CCNY: variants seen among roughly 807,000 people sequenced by gnomAD.
The protein encoded by CCNY is cyclin Y.
A neutral mutation model predicts 42.8 loss-of-function variants in CCNY; 19 were observed. That is an observed-to-expected ratio of 0.44 (90% CI 0.31 to 0.65). CCNY has a LOEUF of 0.65. CCNY is among the 30% of genes least tolerant of loss of function. CCNY has a pLI of 0.07. For missense variants in CCNY, 370 were observed against 437.3 expected (o/e 0.85, Z 1.37); for synonymous variants, 165 against 162.7 (o/e 1.01, Z -0.11).
intron 1 of CCNY, among the ~76,000 whole-genome samples, chr10:35,464,798 A>G (rs1030517855): frequency 2.0e-5 from 3 of 152,190 alleles, no homozygotes; most frequent in African/African-American, 7.2e-5. Context: ...TTGATTCTCC[A>G]TAAATATTTG....
At chr10:35,301,275 G>A (rs1835530397) in intron 3 of CCNY, among the ~76,000 whole-genome samples, 2 of 152,280 alleles carry the variant, frequency 1.3e-5, no homozygotes, top group South Asian at 4.1e-4. Context: ...CAAATATATG[G>A]CCAATGTGTG....
intron 1 of CCNY, among the ~76,000 whole-genome samples, chr10:35,342,247 T>G (rs1259132976): frequency 6.6e-6 from 1 of 152,170 alleles, no homozygotes; most frequent in Non-Finnish European, 1.5e-5. Flanking sequence ...GTCTCTACAA[T>G]CTATTTAACA....
chr10:35,515,733 A>G (rs1413478120), intron 3 of CCNY, among the ~76,000 whole-genome samples: 1 of 152,188 alleles, frequency 6.6e-6, no homozygotes, highest in Admixed American at 6.5e-5. Context: ...TACTAATCAT[A>G]TTGCCCGATT....
chr10:35,313,764 G>T (rs2135088462), intron 3 of CCNY, among the ~76,000 whole-genome samples: 1 of 152,204 alleles, frequency 6.6e-6, no homozygotes, highest in Admixed American at 6.5e-5. Context: ...CTTGAGTCCA[G>T]GAGTTTGAGA....
At chr10:35,362,308 A>T (rs1016517385) in intron 1 of CCNY, among the ~76,000 whole-genome samples, 4 of 152,194 alleles carry the variant, frequency 2.6e-5, no homozygotes, top group Non-Finnish European at 4.4e-5. Context: ...GGAACAGGTG[A>T]CTTTTGGCCT....
chr10:35,448,618 G>A (rs1280400825), intron 1 of CCNY, among the ~76,000 whole-genome samples: 1 of 152,090 alleles, frequency 6.6e-6, no homozygotes, highest in Non-Finnish European at 1.5e-5. Context: ...ATACCTGAAG[G>A]ATATGAGAGC....
chr10:35,349,232 G>A (rs1419791353), intron 1 of CCNY, among the ~76,000 whole-genome samples: 1 of 152,144 alleles, frequency 6.6e-6, no homozygotes, highest in Non-Finnish European at 1.5e-5. Flanking sequence ...AGCTCAGCAG[G>A]TGAGTTAGAG....
intron 1 of CCNY, among the ~76,000 whole-genome samples, chr10:35,366,614 A>T (rs1441526511): frequency 1.3e-5 from 2 of 152,232 alleles, no homozygotes; most frequent in African/African-American, 4.8e-5. Flanking sequence ...CTGAGTGTGG[A>T]CATTCAGCTG....
chr10:35,293,522 T>C (rs971522610), intron 3 of CCNY, among the ~76,000 whole-genome samples: 1 of 152,214 alleles, frequency 6.6e-6, no homozygotes, highest in East Asian at 1.9e-4. Context: ...ATTTTGGTAA[T>C]GAATGCACTG....
At chr10:35,475,866 C>G in intron 1 of CCNY, among the ~76,000 whole-genome samples, 1 of 150,830 alleles carries the variant, frequency 6.6e-6, no homozygotes, top group Admixed American at 6.6e-5. Flanking sequence ...GAGTCAAGAC[C>G]CATCAGTGTG....
intron 3 of CCNY, among the ~76,000 whole-genome samples, chr10:35,275,501 C>A (rs1314580213): frequency 6.6e-6 from 1 of 151,584 alleles, no homozygotes; most frequent in African/African-American, 2.4e-5. Flanking sequence ...CGGTGGCTCA[C>A]ACCTGTAATC....
intron 8 of CCNY, among the ~76,000 whole-genome samples, chr10:35,554,747 A>G (rs1402002756): frequency 6.6e-6 from 1 of 152,234 alleles, no homozygotes; most frequent in African/African-American, 2.4e-5. Context: ...AAGCCAGAAT[A>G]CCTAATGAAA....
intron 7 of CCNY, among the ~76,000 whole-genome samples, chr10:35,547,728 C>T (rs569901030): frequency 2.9e-4 from 44 of 152,186 alleles, no homozygotes; most frequent in Non-Finnish European, 5.6e-4. Flanking sequence ...CTTGTCGTCC[C>T]TGCAGGACCC....
At position 35,377,818 on chromosome 10, in the gene CCNY, AGAG is replaced by A. The variant is rs374280062; in HGVS notation, c.154+40612_154+40614del. ...CTTCAAAACAAAAAATTAAGTAAGA[AGAG>A]TAGCATTACCTTACATTTCTATTAT... On this transcript the variant is annotated intron_variant, in intron 1 of 9. Coordinates refer to ENST00000374704, the MANE Select transcript of CCNY (RefSeq NM_145012.6). Among the ~76,000 whole-genome samples the A allele has an allele frequency of 5.1e-3, 780 of 152,274 alleles. 12 individuals carry two copies. The highest frequency in any genetic ancestry group is 0.018 in the African/African-American group (745 of 41,498).
At chr10:35,519,593 A>G (rs1039205376) in intron 4 of CCNY, among the ~76,000 whole-genome samples, 3 of 151,764 alleles carry the variant, frequency 2.0e-5, no homozygotes, top group Admixed American at 6.6e-5. Context: ...GCCACTTTTA[A>G]ATGAACTGCG....
At chr10:35,402,559 G>A (rs572271855) in intron 1 of CCNY, among the ~76,000 whole-genome samples, 17 of 152,264 alleles carry the variant, frequency 1.1e-4, no homozygotes, top group East Asian at 9.6e-4. Flanking sequence ...TGAGGTCTCC[G>A]TGATTTTGGA....
chr10:35,450,165 G>T (rs1038148835), intron 1 of CCNY, among the ~76,000 whole-genome samples: 1 of 152,070 alleles, frequency 6.6e-6, no homozygotes, highest in Non-Finnish European at 1.5e-5. Flanking sequence ...CAGAGAGGTG[G>T]TGGAATCGGG....
At chr10:35,320,797 C>G (rs1449697095) in intron 3 of CCNY, 1 of 152,110 alleles carries the variant, frequency 6.6e-6, no homozygotes, top group Non-Finnish European at 1.5e-5. Flanking sequence ...TTTCTGCATA[C>G]TAGCAATAAC....
At chr10:35,371,770 TG>T (rs1380496272) in intron 1 of CCNY, among the ~76,000 whole-genome samples, 1 of 151,908 alleles carries the variant, frequency 6.6e-6, no homozygotes, top group Admixed American at 6.6e-5. Context: ...CCAAGAAGGG[TG>T]GTCAGAGCTA....
Sources: gnomAD v4.1 joint callset for allele counts (sites outside exome capture counted in the v4.1 genomes callset) on GRCh38, gnomAD v4.1.1 for gene constraint, MANE v1.5 for transcripts, NCBI Gene and HGNC (gene_info 2026-07-23, HGNC 2026-07-21) for gene names.